GALNT2: variants seen among roughly 807,000 people sequenced by gnomAD.
The protein encoded by GALNT2 is UDP-GalNAc:polypeptide N-acetylgalactosaminyltransferase 2.
A neutral mutation model predicts 81.4 loss-of-function variants in GALNT2; 31 were observed. That is an observed-to-expected ratio of 0.38 (90% CI 0.29 to 0.51). The LOEUF is 0.51. Among genes scored for constraint, GALNT2 ranks in the 20% least tolerant of loss-of-function variants. The probability of loss-of-function intolerance (pLI) is 0.87; values close to 1 mark genes in which losing one functional copy is unlikely to be tolerated. For synonymous variants in GALNT2, 303 were observed against 287.4 expected, an observed-to-expected ratio of 1.05 and a Z score of -0.55; for missense variants, 629 against 765.7, an observed-to-expected ratio of 0.82 and a Z score of 2.11.
intron 6 of GALNT2, among the ~76,000 whole-genome samples, chr1:230,240,410 G>A (rs920235047): frequency 6.6e-6 from 1 of 152,168 alleles, no homozygotes; most frequent in Non-Finnish European, 1.5e-5. Flanking sequence ...TGGCCAACAT[G>A]GTGAAACCCC....
intron 14 of GALNT2, among the ~76,000 whole-genome samples, chr1:230,269,005 C>G (rs923011770): frequency 1.3e-5 from 2 of 152,232 alleles, no homozygotes; most frequent in African/African-American, 4.8e-5. Flanking sequence ...TTTTGCTTTT[C>G]CTTCTTGCTG....
At chr1:230,105,402 C>T (rs910473768) in intron 1 of GALNT2, among the ~76,000 whole-genome samples, 4 of 151,226 alleles carry the variant, frequency 2.6e-5, no homozygotes, top group African/African-American at 9.7e-5. Flanking sequence ...ATGCACATTT[C>T]CCCCGCCTCT....
At chr1:230,064,265 T>C (rs182355691), upstream of GALNT2, among the ~76,000 whole-genome samples, 10 of 152,318 alleles carry the variant, frequency 6.6e-5, no homozygotes, top group East Asian at 1.9e-3. Flanking sequence ...CCAGTTGTCT[T>C]TAGTTGCACC....
intron 1 of GALNT2, among the ~76,000 whole-genome samples, chr1:230,081,283 G>A: frequency 6.6e-6 from 1 of 152,174 alleles, no homozygotes; most frequent in South Asian, 2.1e-4. Context: ...CTGGGGTTCT[G>A]CAGGTAGCTT....
intron 8 of GALNT2, among the ~76,000 whole-genome samples, chr1:230,246,878 C>T (rs891849506): frequency 1.3e-5 from 2 of 152,062 alleles, no homozygotes; most frequent in Non-Finnish European, 2.9e-5. Flanking sequence ...ATGAACTATT[C>T]TAGATAGACA....
chr1:230,071,602 G>A (rs7531967), intron 1 of GALNT2, among the ~76,000 whole-genome samples: 41,315 of 152,004 alleles, frequency 0.27, 10,373 homozygotes, highest in African/African-American at 0.66. Flanking sequence ...GGGCCCTCAC[G>A]TGGTTTAATG....
intron 1 of GALNT2, among the ~76,000 whole-genome samples, chr1:230,094,711 T>C (rs1056556182): frequency 6.6e-6 from 1 of 152,112 alleles, no homozygotes; most frequent in East Asian, 1.9e-4. Flanking sequence ...GTGTATGTAG[T>C]AGAATTAAAA....
At chr1:230,234,971 C>T (rs574248129) in intron 3 of GALNT2, among the ~76,000 whole-genome samples, 52 of 152,190 alleles carry the variant, frequency 3.4e-4, no homozygotes, top group African/African-American at 1.2e-3. Flanking sequence ...CCTAGCACTT[C>T]AGAAAGCTGA....
intron 3 of GALNT2, among the ~76,000 whole-genome samples, chr1:230,215,171 C>G (rs1664351154): frequency 1.3e-5 from 2 of 152,180 alleles, no homozygotes; most frequent in Non-Finnish European, 2.9e-5. Flanking sequence ...GGGATTCGAC[C>G]TGGAAGTCTG....
intron 8 of GALNT2, among the ~76,000 whole-genome samples, chr1:230,246,705 C>T (rs1665381881): frequency 6.6e-6 from 1 of 152,152 alleles, no homozygotes; most frequent in Admixed American, 6.5e-5. Context: ...TCTTTCCCAG[C>T]CCAACACCTG....
rs1035263150 is a variant in GALNT2 at position 230,094,394 on chromosome 1, C to T, written c.126+26988C>T. On this transcript the variant is annotated intron_variant, in intron 1 of 15. Coordinates refer to ENST00000366672, the MANE Select transcript of GALNT2 (RefSeq NM_004481.5). ...ATCCCAGCACTTTGGGAGGTCGAGG[C>T]GGGTGGGAGGCGGGTGGATTACCTG... 6.6e-5 allele frequency among the ~76,000 whole-genome samples: 10 copies of T among 151,948 alleles called. No homozygotes were observed. In the East Asian group the frequency reaches 9.7e-4, roughly 15 times the overall value.
At chr1:230,214,124 T>C (rs910202579) in intron 3 of GALNT2, among the ~76,000 whole-genome samples, 1 of 145,854 alleles carries the variant, frequency 6.9e-6, no homozygotes, top group African/African-American at 2.5e-5. Flanking sequence ...ACTTTTTTTT[T>C]TTTTTGAGAC....
At chr1:230,251,318 C>T (rs557605933) in intron 10 of GALNT2, among the ~76,000 whole-genome samples, 1 of 152,210 alleles carries the variant, frequency 6.6e-6, no homozygotes, top group African/African-American at 2.4e-5. Context: ...TGAGTGTACC[C>T]TGGAGGACAG....
chr1:230,109,826 G>A (rs1313666433), intron 1 of GALNT2, among the ~76,000 whole-genome samples: 1 of 148,814 alleles, frequency 6.7e-6, no homozygotes, highest in Non-Finnish European at 1.5e-5. Flanking sequence ...GCGAAACTTC[G>A]TCTCCAAAAA....
intron 5 of GALNT2, 44 bp from the exon 6 acceptor site, chr1:230,236,616 A>G (rs1665040657): frequency 6.3e-7 from 1 of 1,582,036 alleles, no homozygotes; most frequent in Admixed American, 1.8e-5. Context: ...AAAGCCCTTT[A>G]TGAACTCCAG....
intron 1 of GALNT2, among the ~76,000 whole-genome samples, chr1:230,092,819 T>TA (rs34204930): frequency 7.2e-5 from 11 of 152,100 alleles, no homozygotes; most frequent in Non-Finnish European, 1.6e-4. Context: ...AATAAGAGTT[T>TA]AAAAATCTGG....
At chr1:230,087,244 G>A (rs1288018320) in intron 1 of GALNT2, among the ~76,000 whole-genome samples, 2 of 152,222 alleles carry the variant, frequency 1.3e-5, no homozygotes, top group Admixed American at 6.5e-5. Flanking sequence ...GGCATGCTTA[G>A]TTTCTGTATT....
Position 230,265,282 on chromosome 1 carries a change from A to G in GALNT2, c.1355A>G (p.Gln452Arg). The change falls in exon 14 of 16, where the codon CAG (glutamine) becomes CGG (arginine). Residue 452 changes from glutamine (Q) to arginine (R), a missense_variant. Physicochemically the swap from Gln to Arg is conservative, Grantham distance 43. Coordinates refer to ENST00000366672, the MANE Select transcript of GALNT2 (RefSeq NM_004481.5). ...GATATAGCTTTTGGGGCCTTGCAGCAGGGAACTAACTGCCTCGACACTTTG... is the reference window on the plus strand; with the variant it reads ...GATATAGCTTTTGGGGCCTTGCAGCGGGGAACTAACTGCCTCGACACTTTG... ...HQDIAFGALQQGTNCLDTLGH... is the reference protein window; with the variant it reads ...HQDIAFGALQRGTNCLDTLGH... 1.2e-6 allele frequency: 2 copies of G among 1,614,242 alleles called. No homozygotes were observed. Among genetic ancestry groups the G allele is most frequent in the Non-Finnish European group, 1.7e-6 (2 of 1,180,038 alleles).
At chr1:230,263,109 T>C (rs1665927630) in intron 13 of GALNT2, 104 bp downstream of exon 13, 1 of 922,772 alleles carries the variant, frequency 1.1e-6, no homozygotes, top group East Asian at 2.4e-5. Flanking sequence ...AGGCATGAGA[T>C]TGGGCACCTG....
Sources: allele counts gnomAD v4.1 joint callset (sites outside exome capture counted in the v4.1 genomes callset), GRCh38; gene constraint gnomAD v4.1.1; transcripts MANE v1.5; gene names NCBI Gene and HGNC (gene_info 2026-07-23, HGNC 2026-07-21).